Variants in CLSTN2 observed in about 807,000 individuals in gnomAD.
The protein encoded by CLSTN2 is calsyntenin-2.
A neutral mutation model predicts 101.2 loss-of-function variants in CLSTN2; 48 were observed. The observed-to-expected ratio is 0.47, with a 90% CI of 0.38 to 0.60. CLSTN2 has a LOEUF of 0.60. CLSTN2 is among the 20% of genes least tolerant of loss of function. CLSTN2 has a pLI of 0.00. For missense variants in CLSTN2, 1,160 were observed against 1,238.2 expected, an observed-to-expected ratio of 0.94 and a Z score of 0.95; for synonymous variants, 481 against 463.6, an observed-to-expected ratio of 1.04 and a Z score of -0.48.
At chr3:140,479,844 G>A (rs554671135) in intron 8 of CLSTN2, among the ~76,000 whole-genome samples, 4 of 152,084 alleles carry the variant, frequency 2.6e-5, no homozygotes, top group East Asian at 1.9e-4. Context: ...AAACACCATC[G>A]TAAAGATTGA....
intron 2 of CLSTN2, among the ~76,000 whole-genome samples, chr3:140,363,840 G>T (rs58275944): frequency 0.043 from 6,472 of 152,266 alleles, 158 homozygotes; most frequent in South Asian, 0.068. Flanking sequence ...GAACCTGGGG[G>T]CTAGGAGACC....
chr3:140,306,065 C>A (rs2087111332), intron 2 of CLSTN2, among the ~76,000 whole-genome samples: 1 of 152,198 alleles, frequency 6.6e-6, no homozygotes, highest in South Asian at 2.1e-4. Context: ...CCCCTACACC[C>A]TCATAGAAAT....
At chr3:140,287,199 T>C (rs2086902836) in intron 2 of CLSTN2, among the ~76,000 whole-genome samples, 1 of 152,112 alleles carries the variant, frequency 6.6e-6, no homozygotes, top group Admixed American at 6.5e-5. Flanking sequence ...GAATCAGCAA[T>C]ACAAAGCAGT....
intron 1 of CLSTN2, among the ~76,000 whole-genome samples, chr3:140,155,758 C>G (rs983641862): frequency 6.6e-5 from 10 of 152,230 alleles, no homozygotes; most frequent in African/African-American, 2.4e-4. Flanking sequence ...AGTGACCACT[C>G]TTAGCCAGCT....
At chr3:140,200,077 T>G (rs1463594134) in intron 2 of CLSTN2, among the ~76,000 whole-genome samples, 2 of 152,138 alleles carry the variant, frequency 1.3e-5, no homozygotes, top group Non-Finnish European at 2.9e-5. Context: ...AGTTCAGATT[T>G]AAGAGTCTGT....
intron 1 of CLSTN2, among the ~76,000 whole-genome samples, chr3:140,028,305 G>A (rs2007464126): frequency 6.6e-6 from 1 of 152,186 alleles, no homozygotes; most frequent in Admixed American, 6.5e-5. Flanking sequence ...CAGACACTCA[G>A]CCAGGCCCCA....
At chr3:139,939,107 T>C (rs1935079879) in intron 1 of CLSTN2, among the ~76,000 whole-genome samples, 1 of 152,048 alleles carries the variant, frequency 6.6e-6, no homozygotes, top group Non-Finnish European at 1.5e-5. Context: ...GCAAAGGAGA[T>C]GGGAGTGCAG....
intron 2 of CLSTN2, among the ~76,000 whole-genome samples, chr3:140,347,762 C>A (rs933979462): frequency 5.3e-5 from 8 of 152,152 alleles, no homozygotes; most frequent in Non-Finnish European, 1.2e-4. Context: ...AGTACCCTAT[C>A]CTAATTTGCC....
intron 1 of CLSTN2, among the ~76,000 whole-genome samples, chr3:140,138,242 A>G (rs1236290846): frequency 6.6e-6 from 1 of 152,198 alleles, no homozygotes; most frequent in Non-Finnish European, 1.5e-5. Flanking sequence ...CAGAAGAAGG[A>G]CCAAGTACCT....
intron 1 of CLSTN2, among the ~76,000 whole-genome samples, chr3:140,154,683 C>T (rs6773619): frequency 0.11 from 13,245 of 120,474 alleles, 2,202 homozygotes; most frequent in African/African-American, 0.37. Flanking sequence ...CTTGCTCTGT[C>T]GCCCAGGCTG....
chr3:140,455,855 A>G (rs1318375120), intron 6 of CLSTN2, among the ~76,000 whole-genome samples: 1 of 152,226 alleles, frequency 6.6e-6, no homozygotes, highest in Non-Finnish European at 1.5e-5. Context: ...GGAAGTCTGC[A>G]CCATCTGGTT....
chr3:140,444,091 A>G (rs1295835134), intron 5 of CLSTN2, among the ~76,000 whole-genome samples: 1 of 152,164 alleles, frequency 6.6e-6, no homozygotes, highest in African/African-American at 2.4e-5. Flanking sequence ...GTTAAACATG[A>G]ATCTGTAAAA....
chr3:140,042,961 G>A (rs1438140802), intron 1 of CLSTN2, among the ~76,000 whole-genome samples: 37 of 152,100 alleles, frequency 2.4e-4, no homozygotes, highest in Non-Finnish European at 7.3e-5. Flanking sequence ...CTTTGCTATT[G>A]TGAATAGTGC....
At chr3:140,330,474 G>A (rs1054130669) in intron 2 of CLSTN2, among the ~76,000 whole-genome samples, 4 of 152,192 alleles carry the variant, frequency 2.6e-5, no homozygotes, top group African/African-American at 7.2e-5. Flanking sequence ...ATCTCTGGCA[G>A]TACTAAACCC....
intron 2 of CLSTN2, among the ~76,000 whole-genome samples, chr3:140,359,269 C>T (rs942519236): frequency 1.3e-5 from 2 of 152,046 alleles, no homozygotes; most frequent in African/African-American, 4.8e-5. Flanking sequence ...GTTTGGTGGG[C>T]GAGTGAGTGA....
At position 140,377,022 on chromosome 3, in the gene CLSTN2, C is replaced by CACAGAG. The variant is rs148236356; in HGVS notation, c.233-26606_233-26605insCAGAGA. On this transcript the variant is annotated intron_variant, in intron 2 of 16. Transcript: ENST00000458420. Reference sequence around the variant, plus strand: ...TTAGTGTGTTACACACACACATACACAGAGAGAGAGAGAGAGAGGATGTGT... The same window carrying CACAGAG: ...TTAGTGTGTTACACACACACATACACACAGAGAGAGAGAGAGAGAGAGAGGATGTGT... 5.8e-3 allele frequency among the ~76,000 whole-genome samples: 856 copies of CACAGAG among 148,328 alleles called. 5 individuals are homozygous for CACAGAG. The highest frequency in any genetic ancestry group is 0.017 in the African/African-American group (677 of 40,184).
intron 2 of CLSTN2, among the ~76,000 whole-genome samples, chr3:140,233,023 A>T (rs2086384630): frequency 6.6e-6 from 1 of 152,166 alleles, no homozygotes; most frequent in Admixed American, 6.5e-5. Flanking sequence ...AGAGAAATGC[A>T]GATGTAATTT....
At chr3:140,398,827 C>T (rs1348809883) in intron 2 of CLSTN2, among the ~76,000 whole-genome samples, 1 of 152,216 alleles carries the variant, frequency 6.6e-6, no homozygotes, top group African/African-American at 2.4e-5. Context: ...AAAGACCTTT[C>T]CCCCAGAATC....
chr3:140,378,217 C>T (rs2087940977), intron 2 of CLSTN2, among the ~76,000 whole-genome samples: 1 of 152,170 alleles, frequency 6.6e-6, no homozygotes, highest in South Asian at 2.1e-4. Context: ...TCAAATGTAT[C>T]CCTATCGTTA....
Sources: gnomAD v4.1 joint callset for allele counts (sites outside exome capture counted in the v4.1 genomes callset) on GRCh38, gnomAD v4.1.1 for gene constraint, MANE v1.5 for transcripts, NCBI Gene and HGNC (gene_info 2026-07-23, HGNC 2026-07-21) for gene names.